Variants in RABGEF1 observed in about 807,000 individuals in gnomAD.
RABGEF1 encodes rab5 GDP/GTP exchange factor.
RABGEF1 carries 26 observed loss-of-function variants against 57.3 expected under a neutral mutation model. The ratio of observed to expected loss-of-function variants is 0.45; its 90% CI spans 0.33 to 0.63. The LOEUF is 0.63. Among genes scored for constraint, RABGEF1 ranks in the 20% least tolerant of loss-of-function variants. RABGEF1 has a pLI of 0.02. For synonymous variants in RABGEF1, 185 were observed against 210.7 expected, an observed-to-expected ratio of 0.88 and a Z score of 1.06; for missense variants, 464 against 607.6, an observed-to-expected ratio of 0.76 and a Z score of 2.48.
intron 3 of RABGEF1, among the ~76,000 whole-genome samples, chr7:66,779,137 A>G (rs1432691436): frequency 6.6e-6 from 1 of 151,806 alleles, no homozygotes; most frequent in East Asian, 1.9e-4. Flanking sequence ...AAATGAAGAA[A>G]TCTATAAATA....
chr7:66,724,746 T>C, intron 2 of RABGEF1, among the ~76,000 whole-genome samples: 1 of 152,222 alleles, frequency 6.6e-6, no homozygotes. Context: ...TTGAAAAAAA[T>C]TCAGCAATTA....
At chr7:66,753,700 C>CTT (rs1562788670) in intron 1 of RABGEF1, among the ~76,000 whole-genome samples, 7 of 78,494 alleles carry the variant, frequency 8.9e-5, no homozygotes, top group East Asian at 7.2e-4. Context: ...ATTTTGCCAT[C>CTT]GTTTTTTTTT....
the RABGEF1 span, chr7:66,668,713 C>T: frequency 2.0e-5 from 3 of 152,418 alleles, no homozygotes; most frequent in African/African-American, 7.2e-5. Context: ...ATTTGTGGAC[C>T]CTGGAGGCTT....
At chr7:66,728,278 G>T (rs772500516) in intron 2 of RABGEF1, among the ~76,000 whole-genome samples, 1 of 152,122 alleles carries the variant, frequency 6.6e-6, no homozygotes, top group East Asian at 1.9e-4. Flanking sequence ...AGCTTGGGGG[G>T]GCCACTGGGT....
chr7:66,784,856 G>GT (rs994244775), intron 4 of RABGEF1, among the ~76,000 whole-genome samples: 102 of 147,140 alleles, frequency 6.9e-4, no homozygotes, highest in Admixed American at 2.2e-3. Context: ...AGCTGTTATT[G>GT]TTTTTTTTTT....
At chr7:66,695,680 A>G (rs1478590742) in intron 1 of RABGEF1, among the ~76,000 whole-genome samples, 1 of 152,082 alleles carries the variant, frequency 6.6e-6, no homozygotes, top group Non-Finnish European at 1.5e-5. Flanking sequence ...CTTTGTAGAC[A>G]ACTGGCCAGG....
intron 7 of RABGEF1, among the ~76,000 whole-genome samples, chr7:66,802,729 T>A (rs969226089): frequency 4.6e-5 from 7 of 152,216 alleles, no homozygotes; most frequent in African/African-American, 1.7e-4. Flanking sequence ...GTGGAAGAGA[T>A]CCCTGGGGGT....
intron 1 of RABGEF1, among the ~76,000 whole-genome samples, chr7:66,702,021 G>A (rs1793350229): frequency 6.6e-6 from 1 of 152,060 alleles, no homozygotes; most frequent in South Asian, 2.1e-4. Context: ...ACTCAAAAAG[G>A]GCAGGGCATC....
intron 1 of RABGEF1, among the ~76,000 whole-genome samples, chr7:66,706,274 T>TG: frequency 6.6e-6 from 1 of 152,274 alleles, no homozygotes; most frequent in East Asian, 1.9e-4. Context: ...AAAACTGATA[T>TG]GAACATTTTT....
At chr7:66,686,016 C>T (rs1209458938) in intron 1 of RABGEF1, among the ~76,000 whole-genome samples, 3 of 152,076 alleles carry the variant, frequency 2.0e-5, no homozygotes, top group Non-Finnish European at 4.4e-5. Flanking sequence ...CGGTGGCTCA[C>T]GCCTGTAATC....
intron 7 of RABGEF1, among the ~76,000 whole-genome samples, chr7:66,802,122 G>A (rs759683431): frequency 6.6e-6 from 1 of 152,074 alleles, no homozygotes; most frequent in Non-Finnish European, 1.5e-5. Flanking sequence ...ATGTTGCCTT[G>A]GCTGCTCTTG....
At chr7:66,740,120 C>T (rs1798584958), upstream of RABGEF1, 1 of 152,376 alleles carries the variant, frequency 6.6e-6, no homozygotes, top group African/African-American at 2.4e-5. Context: ...AGGTGCCCGC[C>T]ATCATGTCCG....
At chr7:66,753,271 C>T (rs1801854342) in intron 1 of RABGEF1, among the ~76,000 whole-genome samples, 1 of 152,106 alleles carries the variant, frequency 6.6e-6, no homozygotes. Flanking sequence ...GCTTTTAGGC[C>T]AGGACTGTTG....
rs897412330 is a variant in RABGEF1, at chr7:66,797,630, T to C, written c.728+124T>C. Reference sequence around the variant, plus strand: ...AGCAATAGCTCATGTTCCTGCTTCCTTAGAGTGGAAGCAGCTCTGTTGTGT... The same window carrying C: ...AGCAATAGCTCATGTTCCTGCTTCCCTAGAGTGGAAGCAGCTCTGTTGTGT... On this transcript the variant is annotated intron_variant, in intron 6 of 8. Coordinates refer to ENST00000284957, the MANE Select transcript of RABGEF1 (RefSeq NM_014504.3). The C allele has an allele frequency of 3.7e-6, 4 of 1,067,150 alleles. No individual in the cohort carries two copies. The African/African-American group carries it at 6.5e-5, about 17-fold the overall frequency. 66.1% of individuals were successfully genotyped at this position (1,067,150 alleles called of 1,614,324 possible). A position where few individuals can be genotyped will look rare whatever the true frequency, so the allele number is the denominator to read the frequency against.
At chr7:66,699,466 G>A (rs1342448495) in intron 1 of RABGEF1, among the ~76,000 whole-genome samples, 1 of 152,188 alleles carries the variant, frequency 6.6e-6, no homozygotes, top group Non-Finnish European at 1.5e-5. Flanking sequence ...CGAGGCGGAT[G>A]GACCACCTGA....
chr7:66,704,841 C>T (rs934397324), intron 1 of RABGEF1, among the ~76,000 whole-genome samples: 8 of 151,578 alleles, frequency 5.3e-5, no homozygotes, highest in Non-Finnish European at 7.4e-5. Context: ...AAATAACCAA[C>T]GTGTATCTTC....
At chr7:66,747,712 G>A (rs1800570462) in intron 1 of RABGEF1, among the ~76,000 whole-genome samples, 1 of 151,972 alleles carries the variant, frequency 6.6e-6, no homozygotes, top group Non-Finnish European at 1.5e-5. Context: ...CCTTTAGAAG[G>A]TACTTTGGAG....
chr7:66,706,778 G>GT (rs199965735), intron 1 of RABGEF1, among the ~76,000 whole-genome samples: 1,617 of 120,666 alleles, frequency 0.013, 26 homozygotes, highest in African/African-American at 0.017. Context: ...TGACATACTG[G>GT]TTTTTTTTTT....
At chr7:66,790,342 C>T (rs1336336086) in intron 4 of RABGEF1, among the ~76,000 whole-genome samples, 7 of 152,218 alleles carry the variant, frequency 4.6e-5, no homozygotes, top group Middle Eastern at 3.4e-3. Flanking sequence ...GTCTTTTTTT[C>T]GTCTTTCTTC....
Sources: gnomAD v4.1 joint callset for allele counts (sites outside exome capture counted in the v4.1 genomes callset) on GRCh38, gnomAD v4.1.1 for gene constraint, MANE v1.5 for transcripts, NCBI Gene and HGNC (gene_info 2026-07-23, HGNC 2026-07-21) for gene names.